MTCL2: variants seen among roughly 807,000 people sequenced by gnomAD.
MTCL2 encodes microtubule cross-linking factor 2.
the MTCL2 span, among the ~76,000 whole-genome samples, chr20:36,861,412 C>G: frequency 6.6e-6 from 1 of 152,310 alleles, no homozygotes; most frequent in Admixed American, 6.5e-5. Context: ...CTTGTCCTTC[C>G]ATACTACAAG....
chr20:36,857,571 A>G, the MTCL2 span, among the ~76,000 whole-genome samples: 1 of 152,164 alleles, frequency 6.6e-6, no homozygotes. Flanking sequence ...ACACAGGCTC[A>G]GCCCCAAGGA....
the MTCL2 span, chr20:36,794,209 G>C: frequency 6.5e-7 from 1 of 1,547,446 alleles, no homozygotes; most frequent in Non-Finnish European, 8.7e-7. This position sits in a 1 kb window ranked among gnomAD's most constrained non-coding sequence, Gnocchi z 5.4. Flanking sequence ...CATCAGCCTC[G>C]GCCGACTCTT....
At chr20:36,833,964 A>G in the MTCL2 span, among the ~76,000 whole-genome samples, 2 of 152,132 alleles carry the variant, frequency 1.3e-5, no homozygotes, top group African/African-American at 2.4e-5. Context: ...GGAGTTCGAG[A>G]CCAGACCGGT....
the MTCL2 span, among the ~76,000 whole-genome samples, chr20:36,822,950 G>T: frequency 6.6e-6 from 1 of 152,174 alleles, no homozygotes; most frequent in East Asian, 1.9e-4. Flanking sequence ...GTAGAAATGG[G>T]ATTTCGCCAT....
chr20:36,811,483 G>C, the MTCL2 span, among the ~76,000 whole-genome samples: 1 of 152,004 alleles, frequency 6.6e-6, no homozygotes, highest in Non-Finnish European at 1.5e-5. Context: ...ACGAAAATTA[G>C]CTGGGCATGG....
At chr20:36,791,143 T>C in the MTCL2 span, among the ~76,000 whole-genome samples, 1 of 152,048 alleles carries the variant, frequency 6.6e-6, no homozygotes, top group African/African-American at 2.4e-5. Flanking sequence ...CACGCGATTC[T>C]CCTGCCTCAG....
the MTCL2 span, among the ~76,000 whole-genome samples, chr20:36,857,403 C>T: frequency 6.6e-6 from 1 of 152,070 alleles, no homozygotes; most frequent in Admixed American, 6.6e-5. Flanking sequence ...GAGTGAGTAT[C>T]CTCTCTAATC....
chr20:36,844,676 C>T, the MTCL2 span, among the ~76,000 whole-genome samples: 63 of 150,918 alleles, frequency 4.2e-4, no homozygotes, highest in African/African-American at 1.4e-3. Flanking sequence ...GGTAACAGAG[C>T]AAGAACCTGT....
At chr20:36,824,313 CACAATGGATG>C in the MTCL2 span, among the ~76,000 whole-genome samples, 34 of 152,336 alleles carry the variant, frequency 2.2e-4, no homozygotes, top group Middle Eastern at 3.4e-3. Context: ...CATATACCCA[CACAATGGATG>C]ATTACTCAGC....
chr20:36,789,451 T>G, the MTCL2 span, among the ~76,000 whole-genome samples: 1 of 152,110 alleles, frequency 6.6e-6, no homozygotes, highest in South Asian at 2.1e-4. Flanking sequence ...CACTTGAGAT[T>G]AGCAGTTCGA....
At chr20:36,853,499 C>G in the MTCL2 span, among the ~76,000 whole-genome samples, 4 of 152,164 alleles carry the variant, frequency 2.6e-5, no homozygotes. Flanking sequence ...GTTCCAGACA[C>G]CGGACTGAGA....
the MTCL2 span, among the ~76,000 whole-genome samples, chr20:36,824,510 G>C: frequency 1.3e-5 from 2 of 152,030 alleles, no homozygotes; most frequent in Non-Finnish European, 2.9e-5. Flanking sequence ...AGGGAAAGGG[G>C]GAGTGGGGAG....
the MTCL2 span, among the ~76,000 whole-genome samples, chr20:36,826,033 G>T: frequency 6.6e-6 from 1 of 150,770 alleles, no homozygotes; most frequent in Non-Finnish European, 1.5e-5. Context: ...TTGAGACGGA[G>T]TCCCGTTCTG....
the MTCL2 span, among the ~76,000 whole-genome samples, chr20:36,833,485 C>T: frequency 6.6e-6 from 1 of 152,280 alleles, no homozygotes; most frequent in Non-Finnish European, 1.5e-5. Context: ...GCTCCCCAGG[C>T]ATCAGGCCCC....
the MTCL2 span, among the ~76,000 whole-genome samples, chr20:36,854,514 G>A: frequency 2.0e-5 from 3 of 152,108 alleles, no homozygotes; most frequent in African/African-American, 4.8e-5. Context: ...GCAAGAGCAC[G>A]GGACAGAGGC....
At chr20:36,821,695 G>A in the MTCL2 span, among the ~76,000 whole-genome samples, 1 of 152,124 alleles carries the variant, frequency 6.6e-6, no homozygotes, top group Non-Finnish European at 1.5e-5. Flanking sequence ...TCCAGCCTGG[G>A]CAACAGAGCC....
chr20:36,794,620 A>G, the MTCL2 span: 4 of 1,613,848 alleles, frequency 2.5e-6, no homozygotes, highest in Non-Finnish European at 2.5e-6. The surrounding 1 kb of genome is among the most constrained non-coding windows in gnomAD (Gnocchi z 5.4). Flanking sequence ...CAGAGGAGGA[A>G]ACGTCGTTAT....
chr20:36,860,203 A>G, the MTCL2 span, among the ~76,000 whole-genome samples: 1 of 151,816 alleles, frequency 6.6e-6, no homozygotes, highest in African/African-American at 2.4e-5. Flanking sequence ...GAGCATTCCA[A>G]TTTCCCTTAG....
At chr20:36,817,572 G>A in the MTCL2 span, 1 of 1,184,818 alleles carries the variant, frequency 8.4e-7, no homozygotes, top group Non-Finnish European at 1.2e-6. Context: ...GTCCAGGGAG[G>A]GCCCCAGTCC....
Sources: gnomAD v4.1 joint callset for allele counts (sites outside exome capture counted in the v4.1 genomes callset) on GRCh38, gnomAD v4.1.1 for gene constraint, Gnocchi (gnomAD v3.1) non-coding constraint, MANE v1.5 for transcripts, NCBI Gene and HGNC (gene_info 2026-07-23, HGNC 2026-07-21) for gene names.